Variants in SCTR observed in about 807,000 individuals in gnomAD.
SCTR encodes the protein pancreatic secretin receptor.
In SCTR, 56 loss-of-function variants were observed where a neutral mutation model predicts 60.8. The observed-to-expected ratio is 0.92, with a 90% CI of 0.74 to 1.15. The LOEUF is 1.15. SCTR is among the 50% of genes most tolerant of loss of function. The pLI, the probability that SCTR is intolerant of heterozygous loss-of-function variation, is 0.00. For synonymous variants in SCTR, 202 were observed against 217.0 expected (o/e 0.93, Z 0.61); for missense variants, 562 against 550.4 (o/e 1.02, Z -0.21).
chr2:119,453,405 A>C lies in SCTR; in HGVS notation c.791-58T>G, dbSNP rs547911318. On this transcript the variant is annotated intron_variant, in intron 7 of 12. Coordinates refer to ENST00000019103, the MANE Select transcript of SCTR (RefSeq NM_002980.3). ...AGAGAGGACTCAATTTTCAACACAC[A>C]TATCAGAACAGGACAATTGGTTACC... is the stretch of plus-strand genomic sequence containing the variant. The C allele has an allele frequency of 7.5e-6, 10 of 1,334,382 alleles. No homozygotes were observed. In the Admixed American group the frequency reaches 1.5e-4, roughly 21 times the overall value. The allele number at this position is 1,334,382 out of a possible 1,614,324, so 82.7% of individuals were successfully genotyped here.
At chr2:119,494,892 G>A (rs1558872772) in intron 1 of SCTR, among the ~76,000 whole-genome samples, 3 of 152,186 alleles carry the variant, frequency 2.0e-5, no homozygotes, top group Non-Finnish European at 4.4e-5. Context: ...CTGTGTGAGT[G>A]TTTTCTTTTT....
intron 1 of SCTR, among the ~76,000 whole-genome samples, chr2:119,519,500 T>C (rs1457651985): frequency 6.6e-6 from 1 of 152,144 alleles, no homozygotes. Context: ...GCCTCTCTTT[T>C]GGAGCAGATG....
At chr2:119,498,493 A>C (rs1038332964) in intron 1 of SCTR, among the ~76,000 whole-genome samples, 1 of 152,130 alleles carries the variant, frequency 6.6e-6, no homozygotes, top group Non-Finnish European at 1.5e-5. Context: ...CAGTTTTCTA[A>C]ATTATGTTAA....
At chr2:119,515,476 G>T (rs1679082367) in intron 1 of SCTR, among the ~76,000 whole-genome samples, 1 of 152,256 alleles carries the variant, frequency 6.6e-6, no homozygotes, top group Admixed American at 6.5e-5. Context: ...GGTAGACTGA[G>T]TGAGGAAGAT....
At chr2:119,491,932 G>A (rs1415898902) in intron 2 of SCTR, among the ~76,000 whole-genome samples, 2 of 152,184 alleles carry the variant, frequency 1.3e-5, no homozygotes, top group Non-Finnish European at 2.9e-5. Context: ...TTTTGCTCCA[G>A]GTGGCTACAT....
intron 1 of SCTR, among the ~76,000 whole-genome samples, chr2:119,513,990 CTG>C (rs1213724457): frequency 6.6e-6 from 1 of 152,192 alleles, no homozygotes; most frequent in Non-Finnish European, 1.5e-5. Context: ...AAGTTGTAAA[CTG>C]TGTGAGTCAC....
chr2:119,502,834 A>AAAAAG (rs1250863846), intron 1 of SCTR, among the ~76,000 whole-genome samples: 4 of 151,536 alleles, frequency 2.6e-5, no homozygotes, highest in African/African-American at 7.3e-5. Flanking sequence ...AAAAAAAAAA[A>AAAAAG]AAAGAAAGAA....
At chr2:119,461,730 AAAG>A in intron 7 of SCTR, 114 bp downstream of exon 7, 7 of 748,442 alleles carry the variant, frequency 9.4e-6, no homozygotes, top group Non-Finnish European at 1.4e-5. Context: ...AAAAAAAAAA[AAAG>A]ATTACACAAG....
chr2:119,482,474 G>A (rs566308658), intron 2 of SCTR, among the ~76,000 whole-genome samples: 12 of 152,310 alleles, frequency 7.9e-5, no homozygotes, highest in Admixed American at 3.3e-4. Context: ...GTGTGTGGGC[G>A]GAGCTTTCAC....
At chr2:119,467,894 A>C (rs567861101) in intron 4 of SCTR, among the ~76,000 whole-genome samples, 1 of 152,224 alleles carries the variant, frequency 6.6e-6, no homozygotes, top group Non-Finnish European at 1.5e-5. Flanking sequence ...ATATGTAAAA[A>C]CATATTAGGG....
At chr2:119,448,009 TACA>T (rs1228716103) in intron 10 of SCTR, among the ~76,000 whole-genome samples, 3 of 152,158 alleles carry the variant, frequency 2.0e-5, no homozygotes, top group African/African-American at 4.8e-5. Context: ...GAGGCTAAGT[TACA>T]ACAAGGATGG....
At chr2:119,522,642 A>G (rs1679323761) in intron 1 of SCTR, among the ~76,000 whole-genome samples, 1 of 152,162 alleles carries the variant, frequency 6.6e-6, no homozygotes, top group Non-Finnish European at 1.5e-5. Flanking sequence ...TGAGATAAAA[A>G]TGTAGGCTGA....
In SCTR at chr2:119,444,400, C is replaced by T. The variant is rs181107968; in HGVS notation, c.1140+2359G>A. On this transcript the variant is annotated intron_variant, in intron 11 of 12. Transcript: ENST00000019103. ...ACGTATGAATATATATACACATATA[C>T]GTATGAATATATATACCCATATACG... Among the ~76,000 whole-genome samples, 212 of 59,100 alleles carry T rather than the reference C, an allele frequency of 3.6e-3. 28 individuals carry two copies. Among genetic ancestry groups the T allele is most frequent in the African/African-American group, 0.013 (187 of 14,634 alleles). 38.8% of individuals were successfully genotyped at this position (59,100 alleles called of 152,430 possible).
intron 2 of SCTR, among the ~76,000 whole-genome samples, chr2:119,480,328 T>C (rs1270873710): frequency 6.6e-6 from 1 of 152,178 alleles, no homozygotes; most frequent in Non-Finnish European, 1.5e-5. Flanking sequence ...AGGGACTTCT[T>C]ACATGGCGGT....
chr2:119,469,843 G>A (rs1676925711), intron 4 of SCTR, among the ~76,000 whole-genome samples: 1 of 152,138 alleles, frequency 6.6e-6, no homozygotes, highest in Admixed American at 6.5e-5. Flanking sequence ...GGAGGACATG[G>A]GGCCCAGAAG....
intron 1 of SCTR, among the ~76,000 whole-genome samples, chr2:119,496,249 ACT>A (rs1292869193): frequency 2.0e-5 from 3 of 152,058 alleles, no homozygotes; most frequent in Non-Finnish European, 4.4e-5. Flanking sequence ...AATTAACATG[ACT>A]CTCAACAGGA....
At chr2:119,457,434 A>G (rs554668358) in intron 7 of SCTR, among the ~76,000 whole-genome samples, 1 of 152,356 alleles carries the variant, frequency 6.6e-6, no homozygotes, top group East Asian at 1.9e-4. Flanking sequence ...ATTCTTGGTC[A>G]GGCGCAATGG....
intron 1 of SCTR, among the ~76,000 whole-genome samples, chr2:119,516,193 T>G (rs538654625): frequency 6.6e-6 from 1 of 152,302 alleles, no homozygotes; most frequent in East Asian, 1.9e-4. Flanking sequence ...AACTAACATA[T>G]GATTCAGGAA....
intron 1 of SCTR, among the ~76,000 whole-genome samples, chr2:119,510,034 T>G (rs1308357509): frequency 2.6e-5 from 4 of 152,068 alleles, no homozygotes; most frequent in Non-Finnish European, 5.9e-5. Flanking sequence ...GTGCACAACA[T>G]GCAGGTTTGT....
Sources: gnomAD v4.1 joint callset for allele counts (sites outside exome capture counted in the v4.1 genomes callset) on GRCh38, gnomAD v4.1.1 for gene constraint, MANE v1.5 for transcripts, NCBI Gene and HGNC (gene_info 2026-07-23, HGNC 2026-07-21) for gene names.